Variants in MCM8 observed in about 807,000 individuals in gnomAD.
MCM8 encodes DNA helicase MCM8.
MCM8 carries 85 observed loss-of-function variants against 98.9 expected under a neutral mutation model. The ratio of observed to expected loss-of-function variants is 0.86; its 90% confidence interval spans 0.72 to 1.03. The LOEUF (loss-of-function observed/expected upper bound fraction) is 1.03. Among genes scored for constraint, MCM8 ranks in the 50% least tolerant of loss-of-function variants. The pLI is 0.00. For missense variants in MCM8, 951 were observed against 997.8 expected (o/e 0.95, Z 0.63); for synonymous variants, 352 against 338.6 (o/e 1.04, Z -0.44).
intron 5 of MCM8, 77 bp from the exon 6 acceptor site, chr20:5,957,049 T>G (rs1024842328): frequency 1.2e-6 from 1 of 837,656 alleles, no homozygotes; most frequent in African/African-American, 1.8e-5. Context: ...AAACTTTATA[T>G]TCTCTATAAA....
At chr20:5,972,807 T>G in intron 11 of MCM8, 3 of 1,422,134 alleles carry the variant, frequency 2.1e-6, no homozygotes, top group Non-Finnish European at 9.2e-7. Context: ...GTGGAATGGA[T>G]TTATGCCTTG....
chr20:5,970,196 G>A (rs1196272097), intron 10 of MCM8, among the ~76,000 whole-genome samples: 1 of 152,184 alleles, frequency 6.6e-6, no homozygotes, highest in African/African-American at 2.4e-5. Flanking sequence ...GAATAGTTGT[G>A]ACTGAGACAG....
chr20:5,952,147 A>G lies in MCM8; in HGVS notation c.132A>G (p.Thr44=). ...ACAGACCTGATCTGAGTAAAACCACAGGAAAACGTACTTCTGGTAGGTGAG... is the reference window on the plus strand; with the variant it reads ...ACAGACCTGATCTGAGTAAAACCACGGGAAAACGTACTTCTGGTAGGTGAG... ...REHRPDLSKT[T]GKRTSEQTPQ... The change falls in exon 2 of 19, where the codon ACA becomes ACG. Residue 44 remains threonine (T), a synonymous_variant. Transcript: ENST00000610722. 3.7e-6 allele frequency: 6 copies of G among 1,613,578 alleles called. No homozygotes were observed. The highest frequency in any genetic ancestry group is 5.1e-6 in the Non-Finnish European group (6 of 1,179,940).
chr20:5,989,118 G>GTTTTTTTTTTTTTTTTT (rs1568599607), intron 17 of MCM8, among the ~76,000 whole-genome samples: 1 of 94,420 alleles, frequency 1.1e-5, no homozygotes. Flanking sequence ...AATAGCGCAA[G>GTTTTTTTTTTTTTTTTT]TCTTTTTTTT....
chr20:5,953,440 TG>T (rs1568566552), intron 3 of MCM8, among the ~76,000 whole-genome samples: 4 of 15,506 alleles, frequency 2.6e-4, no homozygotes, highest in South Asian at 2.4e-3. Context: ...TCATGAGGGG[TG>T]TGTGTGTGTG....
At chr20:5,956,009 C>T (rs768739552) in intron 5 of MCM8, among the ~76,000 whole-genome samples, 66 of 152,104 alleles carry the variant, frequency 4.3e-4, no homozygotes, top group Non-Finnish European at 8.4e-4. Flanking sequence ...TCTTGTGATC[C>T]GCCTGCCTTG....
At chr20:5,991,706 T>TA (rs1262028233) in intron 17 of MCM8, among the ~76,000 whole-genome samples, 2 of 152,206 alleles carry the variant, frequency 1.3e-5, no homozygotes, top group Admixed American at 1.3e-4. Context: ...ATTCTTTCCT[T>TA]AGTTTATGAG....
At chr20:5,972,644 T>G (rs2089429800) in intron 11 of MCM8, 1 of 677,964 alleles carries the variant, frequency 1.5e-6, no homozygotes, top group Admixed American at 2.3e-5. Flanking sequence ...AACCTCCACC[T>G]CCCAAGTTCA....
intron 12 of MCM8, among the ~76,000 whole-genome samples, chr20:5,976,966 T>C (rs1238342939): frequency 2.0e-5 from 3 of 152,086 alleles, no homozygotes; most frequent in Non-Finnish European, 4.4e-5. Context: ...ATAATAAATA[T>C]AACAAAACAA....
At chr20:5,985,883 C>T (rs752741056) in intron 15 of MCM8, 39 bp from the exon 16 acceptor site, 85 of 1,594,194 alleles carry the variant, frequency 5.3e-5, no homozygotes, top group Non-Finnish European at 6.8e-5. Flanking sequence ...TTATTTGCTA[C>T]TTATCCTTGT....
At chr20:5,955,354 C>A in intron 5 of MCM8, 103 bp downstream of exon 5, 2 of 1,125,654 alleles carry the variant, frequency 1.8e-6, no homozygotes, top group East Asian at 2.4e-5. Context: ...AGTGACTGTA[C>A]TTTCTATAAG....
rs1375565501 is a variant in MCM8 at position 5,977,913 on chromosome 20, G to A, written c.1433G>A (p.Cys478Tyr). The change falls in exon 13 of 19, where the codon TGT becomes TAT. Residue 478 changes from cysteine to tyrosine, a missense_variant. Cys to Tyr is a radical substitution (Grantham distance 194). Coordinates refer to ENST00000610722, the MANE Select transcript of MCM8 (RefSeq NM_032485.6). Reference sequence around the variant, plus strand: ...GTTGCCCCACGTGGCGTGTATGTTTGTGGTAACACCACGACCACCTCTGGT... The same window carrying A: ...GTTGCCCCACGTGGCGTGTATGTTTATGGTAACACCACGACCACCTCTGGT... The part of the protein sequence containing the change: ...CNVAPRGVYV[C>Y]GNTTTTSGLT... 6.2e-7 allele frequency: 1 copy of A among 1,614,206 alleles called. No homozygotes were observed.
intron 12 of MCM8, 56 bp from the exon 13 acceptor site, chr20:5,977,820 T>C: frequency 6.3e-7 from 1 of 1,593,774 alleles, no homozygotes; most frequent in Non-Finnish European, 8.6e-7. Flanking sequence ...CAACTGCTGT[T>C]AGCTATTACT....
chr20:5,955,176 G>A lies in MCM8; in HGVS notation c.411G>A (p.Leu137=), dbSNP rs370146836. The change falls in exon 5 of 19, where the codon TTG becomes TTA. Residue 137 remains leucine (L), a synonymous_variant. Coordinates refer to ENST00000610722, the MANE Select transcript of MCM8 (RefSeq NM_032485.6). Reference sequence around the variant, plus strand: ...CAGAAGGTGGTGAAGTAACTAACTTGATACCAGATATAGCAACTGAACTAA... The same window carrying A: ...CAGAAGGTGGTGAAGTAACTAACTTAATACCAGATATAGCAACTGAACTAA... ...ELTEGGEVTN[L]IPDIATELRD... is the part of the protein sequence containing the mutation. 1.2e-6 allele frequency: 2 copies of A among 1,613,888 alleles called. No homozygotes were observed. Among genetic ancestry groups the A allele is most frequent in the African/African-American group, 1.3e-5 (1 of 75,056 alleles).
rs780902432 is a variant in MCM8 at position 5,995,749 on chromosome 20, A to G, written c.*1358A>G. 6.6e-6 allele frequency: 1 copy of G among 152,222 alleles called. No individual in the cohort carries two copies. Among genetic ancestry groups the G allele is most frequent in the Admixed American group, 6.5e-5 (1 of 15,276 alleles). 9.4% of individuals were successfully genotyped at this position (152,222 alleles called of 1,614,324 possible). Reference sequence around the variant, plus strand: ...CAAATGTTACAGGGTTGCCAGCCAAACTATCAATCATGTATAAATCCAACA... The same window carrying G: ...CAAATGTTACAGGGTTGCCAGCCAAGCTATCAATCATGTATAAATCCAACA... On this transcript the variant is annotated 3_prime_UTR_variant, in exon 19 of 19. Coordinates refer to ENST00000610722, the MANE Select transcript of MCM8 (RefSeq NM_032485.6).
chr20:5,989,251 G>A (rs542655900), intron 17 of MCM8, among the ~76,000 whole-genome samples: 1 of 151,100 alleles, frequency 6.6e-6, no homozygotes, highest in African/African-American at 2.5e-5. Context: ...CATGTAGCTG[G>A]GACTACAGGT....
At chr20:5,964,255 G>C (rs1256950594) in intron 8 of MCM8, among the ~76,000 whole-genome samples, 1 of 151,780 alleles carries the variant, frequency 6.6e-6, no homozygotes, top group East Asian at 1.9e-4. Context: ...TGAAGTCAGT[G>C]CTCTCTAGCA....
rs1938840790 is a variant in MCM8, at chr20:5,997,547, T to C, written c.*3156T>C. 6.6e-6 allele frequency: 1 copy of C among 152,542 alleles called. No homozygotes were observed. The highest frequency in any genetic ancestry group is 2.1e-4 in the South Asian group (1 of 4,830). The allele number at this position is 152,542 out of a possible 1,614,324, so 9.4% of individuals were successfully genotyped here. A position where few individuals can be genotyped will look rare whatever the true frequency, so the allele number is the denominator to read the frequency against. On this transcript the variant is annotated 3_prime_UTR_variant, in exon 19 of 19. Coordinates refer to ENST00000610722, the MANE Select transcript of MCM8 (RefSeq NM_032485.6). ...CCAGTATGGACTTGAACTACTCAGC[T>C]CAAGCAGTCCTCCCACCTCAGCCTC...
At chr20:5,968,157 C>T (rs2089319943) in intron 10 of MCM8, 132 bp downstream of exon 10, 2 of 605,326 alleles carry the variant, frequency 3.3e-6, no homozygotes, top group Non-Finnish European at 5.8e-6. Flanking sequence ...ACTCCATCCC[C>T]TTGAGTATGG....
Sources: allele counts gnomAD v4.1 joint callset (sites outside exome capture counted in the v4.1 genomes callset), GRCh38; gene constraint gnomAD v4.1.1; transcripts MANE v1.5; gene names NCBI Gene and HGNC (gene_info 2026-07-23, HGNC 2026-07-21).